Variants in GRIP1 observed in about 807,000 individuals in gnomAD.
The protein encoded by GRIP1 is glutamate receptor-interacting protein 1.
A neutral mutation model predicts 129.9 loss-of-function variants in GRIP1; 45 were observed. The ratio of observed to expected loss-of-function variants is 0.35; its 90% confidence interval spans 0.27 to 0.44. The LOEUF (loss-of-function observed/expected upper bound fraction) is 0.44. GRIP1 is among the 20% of genes least tolerant of loss of function. The pLI is 1.00. For synonymous variants in GRIP1, 530 were observed against 520.8 expected (o/e 1.02, Z -0.24); for missense variants, 1,196 against 1,396.8 (o/e 0.86, Z 2.29).
Position 66,463,059 on chromosome 12 carries a change from A to G in GRIP1, c.907T>C (p.Ser303Pro). Residue 303 changes from serine to proline, a missense_variant, in exon 9 of 25, where the codon TCC (serine) becomes CCC (proline). By Grantham distance (74) the Ser-to-Pro change is moderately conservative (BLOSUM62 -1). Transcript: ENST00000359742. ...TACTCCATGCTGGTTCCATCGATGG[A>G]GAGGATGTGATCTCCCACATGCAAT... is the stretch of plus-strand genomic sequence containing the variant. ...GALHVGDHIL[S>P]IDGTSMEYCT... The G allele has an allele frequency of 6.2e-7, 1 of 1,614,066 alleles. No individual in the cohort carries two copies. Among genetic ancestry groups the G allele is most frequent in the Non-Finnish European group, 8.5e-7 (1 of 1,179,970 alleles).
chr12:66,503,152 C>A (rs1042734516), intron 7 of GRIP1, among the ~76,000 whole-genome samples: 2 of 152,114 alleles, frequency 1.3e-5, no homozygotes, highest in Admixed American at 1.3e-4. Flanking sequence ...CAGGGAGAGG[C>A]AACTTCCCAA....
At chr12:66,725,019 C>T (rs868448322) in intron 1 of GRIP1, among the ~76,000 whole-genome samples, 14 of 152,136 alleles carry the variant, frequency 9.2e-5, no homozygotes, top group African/African-American at 1.7e-4. Flanking sequence ...AGGCCAGGCA[C>T]GATGGCTCAT....
chr12:66,448,183 T>G (rs1446196230), intron 11 of GRIP1, among the ~76,000 whole-genome samples: 1 of 152,118 alleles, frequency 6.6e-6, no homozygotes, highest in Non-Finnish European at 1.5e-5. Context: ...CTCCTCAAAC[T>G]CAATGTTTTC....
intron 1 of GRIP1, among the ~76,000 whole-genome samples, chr12:66,881,578 C>T (rs1255435885): frequency 1.3e-5 from 2 of 151,898 alleles, no homozygotes; most frequent in Non-Finnish European, 2.9e-5. Flanking sequence ...TTGAGCTTTA[C>T]AGCCTTTGAA....
At chr12:66,424,373 C>T (rs908463591) in intron 14 of GRIP1, among the ~76,000 whole-genome samples, 7 of 152,096 alleles carry the variant, frequency 4.6e-5, no homozygotes, top group South Asian at 2.1e-4. Context: ...CTGAAAGAGC[C>T]GTCCTCAATT....
chr12:66,482,365 A>T (rs1005846710), intron 7 of GRIP1, among the ~76,000 whole-genome samples: 1 of 152,154 alleles, frequency 6.6e-6, no homozygotes, highest in Non-Finnish European at 1.5e-5. Context: ...ATTTGATTGG[A>T]ATGTTTCTCA....
At chr12:66,355,672 G>T (rs1836519721) in intron 23 of GRIP1, among the ~76,000 whole-genome samples, 2 of 152,136 alleles carry the variant, frequency 1.3e-5, no homozygotes, top group South Asian at 4.1e-4. Context: ...TACTCACCAG[G>T]GGGAGAGGGG....
intron 1 of GRIP1, among the ~76,000 whole-genome samples, chr12:66,652,421 C>T (rs2032865003): frequency 6.6e-6 from 1 of 152,214 alleles, no homozygotes; most frequent in East Asian, 1.9e-4. Flanking sequence ...GCCTCCCCAG[C>T]CACACGGAAC....
intron 1 of GRIP1, among the ~76,000 whole-genome samples, chr12:66,712,651 T>C (rs913496229): frequency 2.6e-5 from 4 of 152,008 alleles, no homozygotes; most frequent in African/African-American, 4.8e-5. Context: ...TGGAACTTTA[T>C]AGAATTGAGG....
chr12:66,979,235 A>AAAC (rs1555257203), intron 1 of GRIP1, among the ~76,000 whole-genome samples: 36 of 136,344 alleles, frequency 2.6e-4, no homozygotes, highest in South Asian at 7.2e-4. Context: ...AAAAAAAAAA[A>AAAC]AAAAAAAAAA....
rs137997414 is a variant in GRIP1, at chr12:66,733,550, A to G, written c.-420+70503T>C. Among the ~76,000 whole-genome samples the G allele has an allele frequency of 2.8e-3, 427 of 152,206 alleles. 2 individuals carry two copies. The highest frequency in any genetic ancestry group is 9.9e-3 in the African/African-American group (410 of 41,534). On this transcript the variant is annotated intron_variant, in intron 1 of 4. Transcript: ENST00000538373. ...CATCTTGGGGCCTGAGGTAACAACC[A>G]CATGTTAAGGATGTCCAAGCAGGAA... is the stretch of plus-strand genomic sequence containing the variant.
intron 1 of GRIP1, among the ~76,000 whole-genome samples, chr12:66,721,213 G>A (rs1480026): frequency 0.18 from 27,042 of 151,996 alleles, 2,560 homozygotes; most frequent in Non-Finnish European, 0.19. Flanking sequence ...AGCAGATCTC[G>A]ACAATGATCT....
chr12:66,862,680 A>G (rs1351906852), intron 1 of GRIP1, among the ~76,000 whole-genome samples: 5 of 152,000 alleles, frequency 3.3e-5, no homozygotes, highest in Non-Finnish European at 5.9e-5. Context: ...AGTCTAGGAA[A>G]ATTGACCTTT....
chr12:66,823,834 C>A (rs1292747747), intron 1 of GRIP1, among the ~76,000 whole-genome samples: 1 of 152,138 alleles, frequency 6.6e-6, no homozygotes, highest in African/African-American at 2.4e-5. Context: ...ATAATCCCAA[C>A]AGATAACCAC....
At chr12:66,955,389 TTTAAA>T (rs2041823606) in intron 1 of GRIP1, among the ~76,000 whole-genome samples, 1 of 152,158 alleles carries the variant, frequency 6.6e-6, no homozygotes, top group South Asian at 2.1e-4. Flanking sequence ...CATATTCTCA[TTTAAA>T]TTATATACTT....
intron 7 of GRIP1, among the ~76,000 whole-genome samples, chr12:66,496,876 G>T: frequency 6.6e-6 from 1 of 151,688 alleles, no homozygotes; most frequent in East Asian, 1.9e-4. Context: ...AAAGAGAGAG[G>T]ATAGGAGAGG....
At chr12:66,760,870 A>T (rs369803866) in intron 1 of GRIP1, among the ~76,000 whole-genome samples, 11 of 151,522 alleles carry the variant, frequency 7.3e-5, no homozygotes, top group African/African-American at 2.7e-4. Context: ...TTAATTCCCC[A>T]AAAGTAGCCT....
chr12:66,485,242 T>C (rs1009308614), intron 7 of GRIP1, among the ~76,000 whole-genome samples: 1 of 152,170 alleles, frequency 6.6e-6, no homozygotes, highest in Non-Finnish European at 1.5e-5. Flanking sequence ...TGTAGTGGTA[T>C]CACACTGTGT....
chr12:66,964,388 C>A (rs933543302), intron 1 of GRIP1, among the ~76,000 whole-genome samples: 2 of 152,082 alleles, frequency 1.3e-5, no homozygotes, highest in Non-Finnish European at 2.9e-5. Flanking sequence ...TGTGGGTGTG[C>A]ATATGAATGG....
Sources: allele counts gnomAD v4.1 joint callset (sites outside exome capture counted in the v4.1 genomes callset), GRCh38; gene constraint gnomAD v4.1.1; transcripts MANE v1.5; gene names NCBI Gene and HGNC (gene_info 2026-07-23, HGNC 2026-07-21).